Variants in LRRC4C observed in about 807,000 individuals in gnomAD.
The protein encoded by LRRC4C is leucine-rich repeat-containing protein 4C.
LRRC4C carries 5 observed loss-of-function variants against 33.6 expected under a neutral mutation model. That is an observed-to-expected ratio of 0.15 (90% confidence interval 0.08 to 0.31). LRRC4C has a LOEUF of 0.31. Among genes scored for constraint, LRRC4C ranks in the 10% least tolerant of loss-of-function variants. The pLI is 1.00. For synonymous variants in LRRC4C, 329 were observed against 302.0 expected (o/e 1.09, Z -0.93); for missense variants, 560 against 796.7 (o/e 0.70, Z 3.58).
intron 2 of LRRC4C, among the ~76,000 whole-genome samples, chr11:40,810,363 A>G (rs1282620746): frequency 1.3e-5 from 2 of 152,158 alleles, no homozygotes; most frequent in Non-Finnish European, 2.9e-5. Flanking sequence ...TTAAGTTATG[A>G]ATGTAGGAGT....
chr11:40,767,083 A>G (rs1474393531), intron 2 of LRRC4C, among the ~76,000 whole-genome samples: 2 of 152,094 alleles, frequency 1.3e-5, no homozygotes, highest in African/African-American at 2.4e-5. Context: ...TACCGAAAGC[A>G]TACTTCACCT....
At chr11:41,126,180 T>C (rs548480562) in intron 1 of LRRC4C, among the ~76,000 whole-genome samples, 1 of 152,028 alleles carries the variant, frequency 6.6e-6, no homozygotes, top group African/African-American at 2.4e-5. Context: ...ATCCCAGAAA[T>C]TTAAATTAAA....
chr11:40,468,527 A>T lies in LRRC4C; in HGVS notation c.-269-148806T>A, dbSNP rs34788267. Among the ~76,000 whole-genome samples the T allele has an allele frequency of 4.0e-3, 608 of 152,116 alleles. 5 individuals carry two copies. Among genetic ancestry groups the T allele is most frequent in the Non-Finnish European group, 5.6e-3 (381 of 68,020 alleles). The stretch of plus-strand genomic sequence containing the variant: ...AAAATCTAGAATGGTTTTTGATCAA[A>T]CAACTGGGCTTATAGCCTAGCTAGG... On this transcript the variant is annotated intron_variant, in intron 3 of 6. Transcript: ENST00000528697.
chr11:40,324,056 C>A (rs1945980132), intron 3 of LRRC4C, among the ~76,000 whole-genome samples: 2 of 152,172 alleles, frequency 1.3e-5, no homozygotes, highest in East Asian at 1.9e-4. Context: ...TGAGAGGTGG[C>A]AAGTATGTGT....
At chr11:41,170,689 G>A (rs1944935458) in intron 1 of LRRC4C, among the ~76,000 whole-genome samples, 1 of 152,132 alleles carries the variant, frequency 6.6e-6, no homozygotes, top group South Asian at 2.1e-4. Context: ...CAGGACATAG[G>A]CATGGGCAAG....
At chr11:40,428,313 C>A (rs1950792265) in intron 3 of LRRC4C, among the ~76,000 whole-genome samples, 2 of 152,020 alleles carry the variant, frequency 1.3e-5, no homozygotes, top group Non-Finnish European at 2.9e-5. Context: ...GCTTAGAATT[C>A]CAAAAGGATT....
intron 3 of LRRC4C, among the ~76,000 whole-genome samples, chr11:40,340,136 C>T (rs933945898): frequency 3.3e-5 from 5 of 152,216 alleles, no homozygotes; most frequent in African/African-American, 1.2e-4. Context: ...TATCCCCCTT[C>T]CCACACTGCC....
intron 3 of LRRC4C, among the ~76,000 whole-genome samples, chr11:40,632,427 C>T (rs1229630923): frequency 2.0e-5 from 3 of 152,144 alleles, no homozygotes; most frequent in African/African-American, 4.8e-5. Context: ...ATGTAGTTCC[C>T]TGACACTGTC....
intron 3 of LRRC4C, among the ~76,000 whole-genome samples, chr11:40,459,055 T>C (rs143155187): frequency 1.1e-4 from 16 of 152,306 alleles, no homozygotes; most frequent in Admixed American, 4.6e-4. Context: ...TGAGGGTATT[T>C]AACATATAAA....
At chr11:40,347,159 T>G (rs1947173935) in intron 3 of LRRC4C, among the ~76,000 whole-genome samples, 1 of 152,224 alleles carries the variant, frequency 6.6e-6, no homozygotes, top group African/African-American at 2.4e-5. Context: ...TGTAGCCACC[T>G]TCATCAGTCA....
chr11:40,162,481 C>T (rs1859236872), intron 5 of LRRC4C, among the ~76,000 whole-genome samples: 1 of 152,074 alleles, frequency 6.6e-6, no homozygotes, highest in Non-Finnish European at 1.5e-5. Context: ...AAGAAAGCAC[C>T]TCTCTTGATG....
chr11:40,198,537 T>C (rs957910779), intron 5 of LRRC4C, among the ~76,000 whole-genome samples: 2 of 152,238 alleles, frequency 1.3e-5, no homozygotes, highest in African/African-American at 4.8e-5. Flanking sequence ...TCTATATTTA[T>C]TTATTTATTC....
At chr11:40,352,345 T>G (rs978246124) in intron 3 of LRRC4C, among the ~76,000 whole-genome samples, 8 of 152,194 alleles carry the variant, frequency 5.3e-5, no homozygotes, top group African/African-American at 1.7e-4. Flanking sequence ...ACAATACTAA[T>G]TGCAATAACA....
At chr11:40,173,555 G>A (rs887210640) in intron 5 of LRRC4C, among the ~76,000 whole-genome samples, 2 of 152,054 alleles carry the variant, frequency 1.3e-5, no homozygotes, top group African/African-American at 2.4e-5. Flanking sequence ...GCTTGTACTT[G>A]TCTATGCATC....
At chr11:40,648,001 C>T (rs1942567449) in intron 3 of LRRC4C, 141 bp downstream of exon 3, 1 of 152,140 alleles carries the variant, frequency 6.6e-6, no homozygotes, top group Non-Finnish European at 1.5e-5. Context: ...ATGCTGGCAT[C>T]CACATGTGTA....
chr11:41,208,782 C>T (rs1326819776), intron 1 of LRRC4C, among the ~76,000 whole-genome samples: 2 of 152,204 alleles, frequency 1.3e-5, no homozygotes, highest in Non-Finnish European at 2.9e-5. Flanking sequence ...TCTGTTTTCT[C>T]CTCAGCTTCA....
At chr11:41,264,369 C>T (rs958126928) in intron 1 of LRRC4C, among the ~76,000 whole-genome samples, 5 of 151,998 alleles carry the variant, frequency 3.3e-5, no homozygotes, top group African/African-American at 7.2e-5. Flanking sequence ...GGATTACAGT[C>T]GTAAGCCACC....
intron 1 of LRRC4C, among the ~76,000 whole-genome samples, chr11:41,409,133 T>C (rs1311699724): frequency 2.0e-5 from 3 of 152,166 alleles, no homozygotes; most frequent in Non-Finnish European, 2.9e-5. Context: ...TTTGCACTTG[T>C]TCATTTTCTA....
chr11:40,605,740 A>T (rs183492728), intron 3 of LRRC4C, among the ~76,000 whole-genome samples: 1 of 152,128 alleles, frequency 6.6e-6, no homozygotes, highest in African/African-American at 2.4e-5. Flanking sequence ...CAGCTTGGGG[A>T]TCATCAATAA....
Sources: allele counts gnomAD v4.1 joint callset (sites outside exome capture counted in the v4.1 genomes callset), GRCh38; gene constraint gnomAD v4.1.1; transcripts MANE v1.5; gene names NCBI Gene and HGNC (gene_info 2026-07-23, HGNC 2026-07-21).